Variants in CCDC88C observed in about 807,000 individuals in gnomAD.
The protein encoded by CCDC88C is protein Daple.
Under a neutral mutation model 198.8 loss-of-function variants are expected in CCDC88C, and 131 were observed. The ratio of observed to expected loss-of-function variants is 0.66; its 90% CI spans 0.57 to 0.76. The LOEUF is 0.76. Ranked by LOEUF, CCDC88C falls within the 30% of genes least tolerant of loss-of-function variation. CCDC88C has a pLI of 0.00. For missense variants in CCDC88C, 2,553 were observed against 2,631.6 expected, an observed-to-expected ratio of 0.97 and a Z score of 0.65; for synonymous variants, 1,166 against 1,114.7, an observed-to-expected ratio of 1.05 and a Z score of -0.92.
chr14:91,375,773 G>A lies in CCDC88C; in HGVS notation c.271-16062C>T, dbSNP rs558733776. Among the ~76,000 whole-genome samples the A allele has an allele frequency of 5.0e-4, 76 of 152,316 alleles. 2 individuals are homozygous for A. In the South Asian group the frequency reaches 0.015, roughly 29 times the overall value. ...GGGAGACTCAACCCTGTCCGTGCCCGGAGCACCTTCCCTGTGCGAGGCTCC... is the reference window on the plus strand; with the variant it reads ...GGGAGACTCAACCCTGTCCGTGCCCAGAGCACCTTCCCTGTGCGAGGCTCC... On this transcript the variant is annotated intron_variant, in intron 3 of 29. Coordinates refer to ENST00000389857, the MANE Select transcript of CCDC88C (RefSeq NM_001080414.4).
chr14:91,293,170 C>G (rs1890752859), intron 23 of CCDC88C, among the ~76,000 whole-genome samples: 1 of 147,758 alleles, frequency 6.8e-6, no homozygotes, highest in African/African-American at 2.5e-5. Flanking sequence ...GCCCACCTTC[C>G]CATCCTCACC....
intron 27 of CCDC88C, 121 bp downstream of exon 27, chr14:91,281,336 C>A (rs1369655331): frequency 6.4e-7 from 1 of 1,554,256 alleles, no homozygotes; most frequent in East Asian, 2.4e-5. Flanking sequence ...GAATGGGTCC[C>A]CCATTTCCAC....
At chr14:91,398,408 C>CGTTG (rs1885975876) in intron 3 of CCDC88C, among the ~76,000 whole-genome samples, 1 of 152,228 alleles carries the variant, frequency 6.6e-6, no homozygotes, top group African/African-American at 2.4e-5. Context: ...GTAACCCCAA[C>CGTTG]ACCTTGGGAG....
intron 3 of CCDC88C, among the ~76,000 whole-genome samples, chr14:91,393,860 A>T (rs1258018311): frequency 1.3e-5 from 2 of 152,204 alleles, no homozygotes; most frequent in Admixed American, 6.5e-5. Context: ...TCTCAAAAAA[A>T]AGAAATCAAC....
rs193054451 is a variant in CCDC88C at position 91,383,302 on chromosome 14, G to C, written c.271-23591C>G. ...TCCCAAGGAGACTGCCCAAAGCCCA[G>C]GCTGGCCATGCTGCCGTGGGGGGCC... On this transcript the variant is annotated intron_variant, in intron 3 of 29. Coordinates refer to ENST00000389857, the MANE Select transcript of CCDC88C (RefSeq NM_001080414.4). 2.1e-3 allele frequency among the ~76,000 whole-genome samples: 321 copies of C among 152,358 alleles called. 1 individual carries two copies. Among genetic ancestry groups the C allele is most frequent in the Non-Finnish European group, 4.0e-3 (270 of 68,034 alleles).
intron 21 of CCDC88C, among the ~76,000 whole-genome samples, chr14:91,298,961 G>T (rs1015695053): frequency 1.3e-5 from 2 of 152,178 alleles, no homozygotes; most frequent in African/African-American, 4.8e-5. Context: ...TTCCTCATCT[G>T]TTAAAAAGAA....
intron 3 of CCDC88C, among the ~76,000 whole-genome samples, chr14:91,364,541 G>C (rs981074180): frequency 6.6e-6 from 1 of 152,126 alleles, no homozygotes; most frequent in South Asian, 2.1e-4. Flanking sequence ...AATCTCACAA[G>C]GGGAGAGGGC....
chr14:91,382,603 A>T (rs540616088), intron 3 of CCDC88C, among the ~76,000 whole-genome samples: 1 of 152,282 alleles, frequency 6.6e-6, no homozygotes, highest in South Asian at 2.1e-4. Flanking sequence ...CCCAGAGAAG[A>T]CGGAGAAATA....
At chr14:91,383,002 G>A (rs1884898561) in intron 3 of CCDC88C, among the ~76,000 whole-genome samples, 1 of 152,118 alleles carries the variant, frequency 6.6e-6, no homozygotes, top group Admixed American at 6.5e-5. Flanking sequence ...CTCCAACTCT[G>A]GGGTTGCTCC....
intron 23 of CCDC88C, among the ~76,000 whole-genome samples, chr14:91,293,103 GGCCCACCTTCCCGTCCTCACTTGCCACA>G (rs1567054607): frequency 1.9e-3 from 18 of 9,722 alleles, no homozygotes; most frequent in African/African-American, 7.2e-3. Flanking sequence ...CACCTGCCAC[GGCCCACCTTCCCGTCCTCACTTGCCACA>G]GCCCACCTTC....
Position 91,325,347 on chromosome 14 carries a change from C to T in CCDC88C, c.1198-424G>A, listed in dbSNP as rs181816240. Among the ~76,000 whole-genome samples the T allele has an allele frequency of 2.0e-5, 3 of 152,322 alleles. No homozygotes were observed. The highest frequency in any genetic ancestry group is 2.0e-4 in the Admixed American group (3 of 15,300). ...AAAGACCCTTCTTCCAAGACACACA[C>T]ACACACTCATTCCTACAGAAAAGCA... On this transcript the variant is annotated intron_variant, in intron 11 of 29. Coordinates refer to ENST00000389857, the MANE Select transcript of CCDC88C (RefSeq NM_001080414.4). This position sits in a 1 kb window ranked among gnomAD's most constrained non-coding sequence, Gnocchi z 4.1.
chr14:91,277,569 G>A (rs1323596060), intron 29 of CCDC88C, among the ~76,000 whole-genome samples: 2 of 152,134 alleles, frequency 1.3e-5, no homozygotes, highest in Non-Finnish European at 2.9e-5. Flanking sequence ...TTGAAAGTTT[G>A]CCAATCCCTG....
chr14:91,302,452 C>CCT (rs991310170), intron 20 of CCDC88C, among the ~76,000 whole-genome samples: 6 of 152,280 alleles, frequency 3.9e-5, no homozygotes, highest in Admixed American at 3.3e-4. Context: ...CTCTCCTAGC[C>CCT]CTCCCTGGAT....
rs1892525531 is a variant in CCDC88C, at chr14:91,325,045, A to C, written c.1198-122T>G. 1 of 1,241,176 alleles carries C rather than the reference A, an allele frequency of 8.1e-7. No homozygotes were observed. Among genetic ancestry groups the C allele is most frequent in the Admixed American group, 2.0e-5 (1 of 50,180 alleles). The allele number at this position is 1,241,176 out of a possible 1,614,324, so 76.9% of individuals were successfully genotyped here. A position where few individuals can be genotyped will look rare whatever the true frequency, so the allele number is the denominator to read the frequency against. On this transcript the variant is annotated intron_variant, in intron 11 of 29. Transcript: ENST00000389857. The surrounding 1 kb of genome is among the most constrained non-coding windows in gnomAD (Gnocchi z 4.1). ...GATGAAGATGTACTGGCTCACTTCC[A>C]AATAAACAGAGCTGCACAGAAACAT... is the stretch of plus-strand genomic sequence containing the variant.
chr14:91,277,948 C>T lies in CCDC88C; in HGVS notation c.5032G>A (p.Glu1678Lys). Residue 1678 changes from glutamate to lysine, a missense_variant, in exon 29 of 30, where the codon GAG becomes AAG. Coordinates refer to ENST00000389857, the MANE Select transcript of CCDC88C (RefSeq NM_001080414.4). ...TGGGTGGGGGAGCTGCGGTTGCTCT[C>T]CTCCAGGAACTCCTCCAAGGTGACC... The part of the protein sequence containing the change: ...EMVTLEEFLE[E>K]SNRSSPTHDT... 1 of 1,527,526 alleles carries T rather than the reference C, an allele frequency of 6.5e-7. No homozygotes were observed. Among genetic ancestry groups the T allele is most frequent in the Non-Finnish European group, 8.9e-7 (1 of 1,129,350 alleles). 94.6% of individuals were successfully genotyped at this position (1,527,526 alleles called of 1,614,324 possible).
At chr14:91,409,446 A>T (rs911462703) in intron 2 of CCDC88C, among the ~76,000 whole-genome samples, 6 of 151,228 alleles carry the variant, frequency 4.0e-5, no homozygotes, top group Non-Finnish European at 8.8e-5. Context: ...AAACACTGGG[A>T]TGACAGGTGT....
At chr14:91,306,041 A>G in intron 18 of CCDC88C, 115 bp from the exon 19 acceptor site, 1 of 1,014,856 alleles carries the variant, frequency 9.9e-7, no homozygotes, top group South Asian at 1.5e-5. Context: ...GGCCAAATCG[A>G]GGGTCCGCTG....
chr14:91,294,843 G>A (rs559623199), intron 22 of CCDC88C, among the ~76,000 whole-genome samples: 15 of 152,284 alleles, frequency 9.9e-5, no homozygotes, highest in African/African-American at 3.6e-4. Context: ...GTTTTTAGTA[G>A]AGACGGGGTT....
At chr14:91,331,602 CACTG>C (rs1467819370) in intron 10 of CCDC88C, among the ~76,000 whole-genome samples, 2 of 152,228 alleles carry the variant, frequency 1.3e-5, no homozygotes, top group African/African-American at 4.8e-5. Flanking sequence ...CCCAGTTCCT[CACTG>C]GCCGGTGCTG....
Sources: gnomAD v4.1 joint callset for allele counts (sites outside exome capture counted in the v4.1 genomes callset) on GRCh38, gnomAD v4.1.1 for gene constraint, Gnocchi (gnomAD v3.1) non-coding constraint, MANE v1.5 for transcripts, NCBI Gene and HGNC (gene_info 2026-07-23, HGNC 2026-07-21) for gene names.